The following OPCML variants were observed in gnomAD, a reference collection of about 807,000 sequenced individuals.
The protein encoded by OPCML is opioid binding protein/cell adhesion molecule like.
A neutral mutation model predicts 37.8 loss-of-function variants in OPCML; 13 were observed. The ratio of observed to expected loss-of-function variants is 0.34; its 90% CI spans 0.22 to 0.55. The LOEUF is 0.55. OPCML is among the 20% of genes least tolerant of loss of function. The pLI is 0.91. For synonymous variants in OPCML, 176 were observed against 168.8 expected (o/e 1.04, Z -0.33); for missense variants, 341 against 435.6 (o/e 0.78, Z 1.93).
intron 1 of OPCML, among the ~76,000 whole-genome samples, chr11:133,272,789 A>ATC (rs1298206164): frequency 6.6e-6 from 1 of 152,238 alleles, no homozygotes; most frequent in Admixed American, 6.5e-5. Flanking sequence ...GTTAAGGAAC[A>ATC]TCTCTTTGAG....
At chr11:132,457,188 T>A (rs74737773) in intron 4 of OPCML, among the ~76,000 whole-genome samples, 8,686 of 152,116 alleles carry the variant, frequency 0.057, 325 homozygotes, top group Middle Eastern at 0.12. Context: ...AGCACAGAGA[T>A]AGAGGGAGTC....
At chr11:132,892,154 G>C (rs1943675654) in intron 2 of OPCML, among the ~76,000 whole-genome samples, 1 of 152,226 alleles carries the variant, frequency 6.6e-6, no homozygotes, top group Admixed American at 6.5e-5. Context: ...CACCTAGAAA[G>C]GTCTGTAACT....
At chr11:132,544,872 T>C (rs2096365331) in intron 3 of OPCML, among the ~76,000 whole-genome samples, 1 of 152,100 alleles carries the variant, frequency 6.6e-6, no homozygotes, top group East Asian at 1.9e-4. Context: ...CTAACATTTC[T>C]CGCTGTACTC....
intron 1 of OPCML, among the ~76,000 whole-genome samples, chr11:132,944,598 G>GA (rs927183239): frequency 4.6e-5 from 7 of 152,210 alleles, no homozygotes; most frequent in African/African-American, 1.7e-4. Context: ...CAAGGGCTGG[G>GA]AAAAACACAC....
chr11:132,727,558 C>A (rs1447615659), intron 2 of OPCML, among the ~76,000 whole-genome samples: 4 of 152,202 alleles, frequency 2.6e-5, no homozygotes, highest in African/African-American at 9.6e-5. Context: ...TAGAGCCCAG[C>A]ACAGTCATCC....
intron 1 of OPCML, chr11:133,439,210 G>T (rs1356705673): frequency 2.3e-6 from 2 of 862,160 alleles, no homozygotes; most frequent in South Asian, 5.3e-5. Flanking sequence ...CCCTTAACCT[G>T]CAGGTCCTAT....
chr11:133,475,652 T>C (rs991192313), intron 1 of OPCML, among the ~76,000 whole-genome samples: 6 of 152,192 alleles, frequency 3.9e-5, no homozygotes, highest in Non-Finnish European at 5.9e-5. Context: ...CTCTTTTTCT[T>C]AGGTTGAGAA....
At chr11:133,041,816 T>C (rs779565993) in intron 1 of OPCML, among the ~76,000 whole-genome samples, 3 of 152,172 alleles carry the variant, frequency 2.0e-5, no homozygotes, top group Non-Finnish European at 4.4e-5. Context: ...TCACTCTATA[T>C]AGGTCTTCTT....
At chr11:133,526,856 G>C (rs7927192) in intron 1 of OPCML, among the ~76,000 whole-genome samples, 4,404 of 152,316 alleles carry the variant, frequency 0.029, 219 homozygotes, top group African/African-American at 0.1. Context: ...GAAGGAGTGG[G>C]AGAGCAGAGC....
At chr11:133,106,012 C>A (rs1430760677) in intron 1 of OPCML, among the ~76,000 whole-genome samples, 1 of 145,174 alleles carries the variant, frequency 6.9e-6, no homozygotes, top group Non-Finnish European at 1.5e-5. Flanking sequence ...AAAAAGAATA[C>A]TTTTGTAGAA....
At chr11:132,529,981 G>T (rs140718069) in intron 3 of OPCML, among the ~76,000 whole-genome samples, 36 of 152,222 alleles carry the variant, frequency 2.4e-4, no homozygotes, top group African/African-American at 8.4e-4. Flanking sequence ...CTACATGACC[G>T]TTAGCAAGGT....
At chr11:132,743,994 C>T (rs114143249) in intron 2 of OPCML, among the ~76,000 whole-genome samples, 259 of 152,284 alleles carry the variant, frequency 1.7e-3, no homozygotes, top group African/African-American at 6.0e-3. Context: ...TTGTGTCATG[C>T]GTACCTACTC....
intron 1 of OPCML, among the ~76,000 whole-genome samples, chr11:133,475,658 G>T (rs1441366556): frequency 6.6e-6 from 1 of 152,152 alleles, no homozygotes; most frequent in Non-Finnish European, 1.5e-5. Context: ...TTCTTAGGTT[G>T]AGAAAATAAG....
chr11:133,026,942 T>A (rs947216354), intron 1 of OPCML, among the ~76,000 whole-genome samples: 2 of 152,246 alleles, frequency 1.3e-5, no homozygotes, highest in Non-Finnish European at 2.9e-5. Context: ...GATACCTGTT[T>A]ATTTTAACAG....
intron 1 of OPCML, among the ~76,000 whole-genome samples, chr11:132,987,440 C>A (rs7102243): frequency 0.26 from 39,357 of 151,922 alleles, 5,698 homozygotes; most frequent in African/African-American, 0.39. Context: ...GAGATGGAGA[C>A]AGTGGGACCA....
chr11:132,428,161 G>T (rs1308627311), intron 7 of OPCML, among the ~76,000 whole-genome samples: 1 of 152,166 alleles, frequency 6.6e-6, no homozygotes, highest in Non-Finnish European at 1.5e-5. Context: ...TGGGATGGGG[G>T]TCCCTAAATT....
At chr11:132,536,898 T>G (rs1350274370) in intron 3 of OPCML, among the ~76,000 whole-genome samples, 1 of 152,236 alleles carries the variant, frequency 6.6e-6, no homozygotes, top group Non-Finnish European at 1.5e-5. Flanking sequence ...ATTTAATGTA[T>G]CTGGCTAGAG....
Position 132,921,965 on chromosome 11 carries a change from C to T in OPCML, c.146+20961G>A, listed in dbSNP as rs562786880. On this transcript the variant is annotated intron_variant, in intron 2 of 7. Transcript: ENST00000524381. ...CATGATCTCGGCTCACTGCAACCTT[C>T]GCCTCGCAGGTTCAAGCGATTCTCC... is the stretch of plus-strand genomic sequence containing the variant. Among the ~76,000 whole-genome samples the T allele has an allele frequency of 3.6e-4, 55 of 152,046 alleles. 1 individual carries two copies. The Middle Eastern group carries it at 0.01, about 28-fold the overall frequency.
chr11:133,360,391 T>A (rs1326722903), intron 1 of OPCML: 1 of 152,242 alleles, frequency 6.6e-6, no homozygotes, highest in South Asian at 2.1e-4. Flanking sequence ...AGGATGCGAA[T>A]GCAAGGGCCG....
Sources: allele counts gnomAD v4.1 joint callset (sites outside exome capture counted in the v4.1 genomes callset), GRCh38; gene constraint gnomAD v4.1.1; transcripts MANE v1.5; gene names NCBI Gene and HGNC (gene_info 2026-07-23, HGNC 2026-07-21).